THEM4: variants seen among roughly 807,000 people sequenced by gnomAD.
The protein encoded by THEM4 is thioesterase superfamily member 4, also known as acyl-coenzyme A thioesterase THEM4.
Under a neutral mutation model 25.0 loss-of-function variants are expected in THEM4, and 22 were observed. The ratio of observed to expected loss-of-function variants is 0.88; its 90% CI spans 0.63 to 1.26. The LOEUF is 1.26. Among genes scored for constraint, THEM4 ranks in the 50% most tolerant of loss-of-function variants. THEM4 has a pLI of 0.00. For synonymous variants in THEM4, 113 were observed against 105.6 expected, an observed-to-expected ratio of 1.07 and a Z score of -0.43; for missense variants, 286 against 300.3, an observed-to-expected ratio of 0.95 and a Z score of 0.35.
At chr1:151,902,506 G>T (rs1654373302) in intron 1 of THEM4, among the ~76,000 whole-genome samples, 1 of 152,072 alleles carries the variant, frequency 6.6e-6, no homozygotes, top group South Asian at 2.1e-4. Flanking sequence ...GGGAAGAATG[G>T]GAGGGGGATA....
chr1:151,906,707 C>T (rs1021821920), intron 1 of THEM4, among the ~76,000 whole-genome samples: 1 of 152,222 alleles, frequency 6.6e-6, no homozygotes, highest in African/African-American at 2.4e-5. Context: ...CCAATCAGCA[C>T]CCTATGTCTA....
chr1:151,897,908 A>AG (rs11420086), intron 1 of THEM4, among the ~76,000 whole-genome samples: 138,794 of 152,100 alleles, frequency 0.91, 63,342 homozygotes, highest in East Asian at 0.95. Flanking sequence ...AGCGAAATAC[A>AG]GGGTAAGGGA....
intron 1 of THEM4, among the ~76,000 whole-genome samples, chr1:151,898,790 A>T (rs980607830): frequency 6.6e-6 from 1 of 152,246 alleles, no homozygotes; most frequent in African/African-American, 2.4e-5. Context: ...GTACCAACCC[A>T]GAGCTGGGCA....
chr1:151,889,439 G>A, intron 2 of THEM4, 66 bp from the exon 3 acceptor site: 1 of 1,511,608 alleles, frequency 6.6e-7, no homozygotes, highest in South Asian at 1.2e-5. Flanking sequence ...GCAGAGCCAA[G>A]CACCTGTACC....
intron 5 of THEM4, 72 bp from the exon 6 acceptor site, chr1:151,875,000 A>C: frequency 8.6e-7 from 1 of 1,160,686 alleles, no homozygotes. Flanking sequence ...TCTAAATAGA[A>C]AGACATATAC....
At chr1:151,876,360 G>A (rs1238582992) in intron 5 of THEM4, among the ~76,000 whole-genome samples, 4 of 152,058 alleles carry the variant, frequency 2.6e-5, no homozygotes, top group Admixed American at 1.3e-4. Flanking sequence ...ACTGGAACCC[G>A]ATAGCAATCT....
intron 4 of THEM4, among the ~76,000 whole-genome samples, chr1:151,886,659 T>C (rs1653978286): frequency 6.6e-6 from 1 of 152,196 alleles, no homozygotes; most frequent in South Asian, 2.1e-4. Flanking sequence ...CTAGAATCAA[T>C]GTAATTGCTA....
At chr1:151,893,371 C>T (rs1386946987) in intron 2 of THEM4, among the ~76,000 whole-genome samples, 3 of 21,274 alleles carry the variant, frequency 1.4e-4, no homozygotes, top group African/African-American at 3.8e-4. Context: ...GACTCATTCT[C>T]AAAACCAAAA....
intron 4 of THEM4, among the ~76,000 whole-genome samples, chr1:151,880,834 A>G (rs1327953121): frequency 6.6e-6 from 1 of 152,094 alleles, no homozygotes; most frequent in African/African-American, 2.4e-5. Context: ...TCTGTCTTTG[A>G]ACTGATGGTT....
chr1:151,906,427 G>A lies in THEM4; in HGVS notation c.99+2933C>T, dbSNP rs1439440708. ...CATGCCTGAGCCTCCCACGCCCTCCGTGGGCTCCTGCACGGCCCGAGCCTC... is the reference window on the plus strand; with the variant it reads ...CATGCCTGAGCCTCCCACGCCCTCCATGGGCTCCTGCACGGCCCGAGCCTC... On this transcript the variant is annotated intron_variant, in intron 1 of 5. Coordinates refer to ENST00000368814, the MANE Select transcript of THEM4 (RefSeq NM_053055.5). 5.3e-5 allele frequency among the ~76,000 whole-genome samples: 8 copies of A among 152,332 alleles called. No individual in the cohort carries two copies. The East Asian group carries it at 1.2e-3, about 22-fold the overall frequency.
At position 151,895,177 on chromosome 1, in the gene THEM4, C is replaced by T. The variant is rs1202491518; in HGVS notation, c.117G>A (p.Glu39=). 17 of 1,610,160 alleles carry T rather than the reference C, an allele frequency of 1.1e-5. No homozygotes were observed. The highest frequency in any genetic ancestry group is 1.4e-5 in the Non-Finnish European group (17 of 1,179,134). The change falls in exon 2 of 6, where the codon GAG becomes GAA. Residue 39 remains glutamate, a synonymous_variant. Coordinates refer to ENST00000368814, the MANE Select transcript of THEM4 (RefSeq NM_053055.5). ...CAGAACAGTCCTTAAGAATGACTTC[C>T]TCAGAAGAAAATGACCTCTAAAAGA... is the stretch of plus-strand genomic sequence containing the variant. ...PRPELRSFSS[E]EVILKDCSVP...
intron 4 of THEM4, among the ~76,000 whole-genome samples, chr1:151,884,705 T>C (rs1380221064): frequency 6.6e-6 from 1 of 151,966 alleles, no homozygotes; most frequent in Non-Finnish European, 1.5e-5. Context: ...TTTGTTTTTT[T>C]TGAGATGGAG....
chr1:151,884,758 T>A (rs535762621), intron 4 of THEM4, among the ~76,000 whole-genome samples: 27 of 151,620 alleles, frequency 1.8e-4, no homozygotes, highest in African/African-American at 6.3e-4. Context: ...GTGCAATCTC[T>A]GCTCACTGCA....
At chr1:151,884,681 T>G (rs886118790) in intron 4 of THEM4, among the ~76,000 whole-genome samples, 2 of 28,836 alleles carry the variant, frequency 6.9e-5, no homozygotes, top group Admixed American at 4.4e-4. Flanking sequence ...TCATTTCCTT[T>G]TTTTTGTTTT....
intron 1 of THEM4, among the ~76,000 whole-genome samples, chr1:151,900,602 G>T (rs1654330253): frequency 6.6e-6 from 1 of 152,170 alleles, no homozygotes. Flanking sequence ...ATTATACAAT[G>T]GTAAAAGGCC....
At chr1:151,900,563 A>G (rs1301143393) in intron 1 of THEM4, among the ~76,000 whole-genome samples, 1 of 152,248 alleles carries the variant, frequency 6.6e-6, no homozygotes, top group Non-Finnish European at 1.5e-5. Context: ...ACTTTAAAGC[A>G]ACAGCAGTCA....
At chr1:151,880,943 T>C (rs550173390) in intron 4 of THEM4, among the ~76,000 whole-genome samples, 1 of 152,234 alleles carries the variant, frequency 6.6e-6, no homozygotes, top group Admixed American at 6.5e-5. Context: ...CCCTCTTTTT[T>C]TCCTTGCCTT....
intron 2 of THEM4, 117 bp downstream of exon 2, chr1:151,894,891 G>T: frequency 8.4e-7 from 1 of 1,183,834 alleles, no homozygotes; most frequent in Non-Finnish European, 1.2e-6. Flanking sequence ...GGTGACTATA[G>T]AACCATAATC....
At chr1:151,884,267 G>A (rs1393444268) in intron 4 of THEM4, among the ~76,000 whole-genome samples, 1 of 152,022 alleles carries the variant, frequency 6.6e-6, no homozygotes, top group Non-Finnish European at 1.5e-5. Flanking sequence ...GAAGCCTAGG[G>A]ATTGTCATTT....
Sources: allele counts gnomAD v4.1 joint callset (sites outside exome capture counted in the v4.1 genomes callset), GRCh38; gene constraint gnomAD v4.1.1; transcripts MANE v1.5; gene names NCBI Gene and HGNC (gene_info 2026-07-23, HGNC 2026-07-21).